The following SSH2 variants were observed in gnomAD, a reference collection of about 807,000 sequenced individuals.
SSH2 encodes slingshot protein phosphatase 2.
Under a neutral mutation model 135.2 loss-of-function variants are expected in SSH2, and 37 were observed. That is an observed-to-expected ratio of 0.27 (90% confidence interval 0.21 to 0.36). The LOEUF (loss-of-function observed/expected upper bound fraction) is 0.36, where lower values mean the gene tolerates loss of function less well. Ranked by LOEUF, SSH2 falls within the 10% of genes least tolerant of loss-of-function variation. The probability of loss-of-function intolerance (pLI) is 1.00; values close to 1 mark genes in which losing one functional copy is unlikely to be tolerated. For synonymous variants in SSH2, 628 were observed against 646.2 expected (o/e 0.97, Z 0.43); for missense variants, 1,408 against 1,765.3 (o/e 0.80, Z 3.63).
At chr17:29,705,142 A>G (rs942030437) in intron 3 of SSH2, among the ~76,000 whole-genome samples, 4 of 152,156 alleles carry the variant, frequency 2.6e-5, no homozygotes, top group African/African-American at 9.7e-5. Context: ...TTCCTATAAT[A>G]TATATCTAAT....
At chr17:29,691,845 G>A (rs1010536787) in intron 5 of SSH2, among the ~76,000 whole-genome samples, 1 of 151,144 alleles carries the variant, frequency 6.6e-6, no homozygotes, top group Non-Finnish European at 1.5e-5. Context: ...AAAAAATGAA[G>A]TCAAGACTTT....
chr17:29,850,255 T>G (rs535971553), intron 1 of SSH2, among the ~76,000 whole-genome samples: 34 of 152,268 alleles, frequency 2.2e-4, no homozygotes, highest in African/African-American at 7.7e-4. Flanking sequence ...CAGAAAAGGC[T>G]CCAACTCTGA....
chr17:29,649,518 CT>C (rs1434547237), intron 13 of SSH2, among the ~76,000 whole-genome samples: 7 of 151,992 alleles, frequency 4.6e-5, no homozygotes, highest in African/African-American at 1.7e-4. Flanking sequence ...TTCCAAGAAG[CT>C]GGTATCACAG....
chr17:29,647,044 G>C (rs2036398789), intron 14 of SSH2, among the ~76,000 whole-genome samples: 1 of 151,452 alleles, frequency 6.6e-6, no homozygotes. Flanking sequence ...GGAGGCCGAG[G>C]CGAGCGGATC....
At chr17:29,873,281 C>T (rs148604044) in intron 1 of SSH2, among the ~76,000 whole-genome samples, 2,683 of 152,110 alleles carry the variant, frequency 0.018, 36 homozygotes, top group Non-Finnish European at 0.028. Flanking sequence ...CCAAAGAGGC[C>T]GGGCGCAGTG....
chr17:29,899,487 A>G (rs1364876499), intron 1 of SSH2, among the ~76,000 whole-genome samples: 1 of 152,204 alleles, frequency 6.6e-6, no homozygotes, highest in Non-Finnish European at 1.5e-5. Context: ...CACCAATAAC[A>G]GACAAACAGA....
chr17:29,878,375 C>T (rs529515009), intron 1 of SSH2, among the ~76,000 whole-genome samples: 6 of 152,156 alleles, frequency 3.9e-5, no homozygotes, highest in South Asian at 2.1e-4. Flanking sequence ...TGCAGTAAGC[C>T]GAGATTGTGC....
In SSH2 at chr17:29,632,674, C is replaced by A. The variant is rs1303594912; in HGVS notation, c.2520G>T (p.Gln840His). ...TCCCTGAGTCTTTGGCTAGTTCAGG[C>A]TGGGCTGTGCAGGAGTCCTCATCTT... ...MEQDEDSCTAQPELAKDSGMC... is the reference protein window; with the variant it reads ...MEQDEDSCTAHPELAKDSGMC... The change falls in exon 16 of 16, where the codon CAG becomes CAT. Residue 840 changes from glutamine to histidine, a missense_variant. Around this residue, in one of 3 missense-constraint regions of SSH2, gnomAD observed 1,080 missense variants for 1,144.5 expected, o/e 0.94. Transcript: ENST00000540801. 6.2e-7 allele frequency: 1 copy of A among 1,614,150 alleles called. No homozygotes were observed. Among genetic ancestry groups the A allele is most frequent in the African/African-American group, 1.3e-5 (1 of 75,042 alleles).
chr17:29,863,079 A>T (rs1470813138), intron 1 of SSH2, among the ~76,000 whole-genome samples: 58 of 149,740 alleles, frequency 3.9e-4, no homozygotes, highest in East Asian at 1.4e-3. Flanking sequence ...TTTTTTTTTA[A>T]AAAAAAGGAC....
At chr17:29,873,006 A>G (rs1010311050) in intron 1 of SSH2, among the ~76,000 whole-genome samples, 1 of 152,130 alleles carries the variant, frequency 6.6e-6, no homozygotes, top group Non-Finnish European at 1.5e-5. Context: ...AAAAAAAAAA[A>G]AAGTATTTTT....
rs1248802423 is a variant in SSH2, at chr17:29,816,112, G to A, written c.145-22175C>T. Among the ~76,000 whole-genome samples the A allele has an allele frequency of 2.0e-5, 3 of 152,088 alleles. No homozygotes were observed. The East Asian group carries it at 5.8e-4, about 29-fold the overall frequency. On this transcript the variant is annotated intron_variant, in intron 2 of 15. Transcript: ENST00000540801. ...GATCCACCCACCTCAGCCTCCCAAAGTGCTGGGATTACAGATGTGAGCTAC... is the reference window on the plus strand; with the variant it reads ...GATCCACCCACCTCAGCCTCCCAAAATGCTGGGATTACAGATGTGAGCTAC...
intron 9 of SSH2, among the ~76,000 whole-genome samples, chr17:29,667,819 CAGG>C (rs1567859147): frequency 6.6e-6 from 1 of 152,134 alleles, no homozygotes; most frequent in Non-Finnish European, 1.5e-5. Flanking sequence ...CATGCTGGGG[CAGG>C]AGAACTACAA....
At chr17:29,719,182 T>C (rs1201676248) in intron 3 of SSH2, among the ~76,000 whole-genome samples, 1 of 152,232 alleles carries the variant, frequency 6.6e-6, no homozygotes, top group Non-Finnish European at 1.5e-5. Flanking sequence ...AGCTGCCTAC[T>C]GGATAGCTGT....
At chr17:29,899,052 A>G (rs549389678) in intron 1 of SSH2, among the ~76,000 whole-genome samples, 13 of 152,356 alleles carry the variant, frequency 8.5e-5, no homozygotes, top group African/African-American at 3.1e-4. Flanking sequence ...CAATAGATGC[A>G]GAAAAGGCCT....
chr17:29,699,326 C>T (rs2038887800), intron 4 of SSH2, among the ~76,000 whole-genome samples: 1 of 152,106 alleles, frequency 6.6e-6, no homozygotes, highest in African/African-American at 2.4e-5. Context: ...CTAACTAGTT[C>T]AAGAAACATG....
At chr17:29,856,313 T>A in intron 1 of SSH2, 1 of 244,108 alleles carries the variant, frequency 4.1e-6, no homozygotes. Context: ...AAAGGAACAG[T>A]TTAGCAGGCT....
intron 1 of SSH2, among the ~76,000 whole-genome samples, chr17:29,888,957 A>T (rs868679811): frequency 0.027 from 3,611 of 134,614 alleles, 82 homozygotes; most frequent in Middle Eastern, 0.051. Context: ...AAAAAAAAAA[A>T]GGAAAGAAAA....
rs1326232389 is a variant in SSH2 at position 29,636,698 on chromosome 17, A to AT, written c.1531dup (p.Ile511AsnfsTer10). On this transcript the variant is annotated frameshift_variant, in exon 15 of 16. Coordinates refer to ENST00000540801, the MANE Select transcript of SSH2 (RefSeq NM_001282129.2). LOFTEE classifies it high-confidence loss of function. Reference sequence around the variant, plus strand: ...AGCAATCTGGTCTGCTGAGGTGGTGATATCCTTCTTGTTGAGTTCTAGCCC... The same window carrying AT: ...AGCAATCTGGTCTGCTGAGGTGGTGATTATCCTTCTTGTTGAGTTCTAGCCC... The AT allele has an allele frequency of 6.2e-7, 1 of 1,613,986 alleles. No homozygotes were observed. Among genetic ancestry groups the AT allele is most frequent in the East Asian group, 2.2e-5 (1 of 44,862 alleles).
chr17:29,893,287 CA>C (rs149085067), intron 1 of SSH2, among the ~76,000 whole-genome samples: 172 of 142,994 alleles, frequency 1.2e-3, no homozygotes, highest in Middle Eastern at 3.4e-3. Flanking sequence ...GGAATTTAGG[CA>C]AAAAAAAAGG....
Sources: allele counts gnomAD v4.1 joint callset (sites outside exome capture counted in the v4.1 genomes callset), GRCh38; gene constraint gnomAD v4.1.1; regional missense constraint gnomAD v4.1.1; transcripts MANE v1.5; gene names NCBI Gene and HGNC (gene_info 2026-07-23, HGNC 2026-07-21).